CGAS: variants seen among roughly 807,000 people sequenced by gnomAD.
CGAS encodes the protein cyclic GMP-AMP synthase.
In CGAS, 31 loss-of-function variants were observed where a neutral mutation model predicts 34.0. That is an observed-to-expected ratio of 0.91 (90% CI 0.69 to 1.23). The LOEUF (loss-of-function observed/expected upper bound fraction) is 1.23, where lower values mean the gene tolerates loss of function less well. Ranked by LOEUF, CGAS falls within the 50% of genes most tolerant of loss-of-function variation. The probability of loss-of-function intolerance (pLI) is 0.00; values close to 1 mark genes in which losing one functional copy is unlikely to be tolerated. For missense variants in CGAS, 597 were observed against 657.6 expected (o/e 0.91, Z 1.01); for synonymous variants, 266 against 260.0 (o/e 1.02, Z -0.22).
intron 1 of CGAS, among the ~76,000 whole-genome samples, 182 bp downstream of exon 1, chr6:73,451,343 T>C (rs1030776431): frequency 1.3e-5 from 2 of 152,124 alleles, no homozygotes; most frequent in African/African-American, 4.8e-5. Context: ...TGTCTGATCG[T>C]TGGATGTGTA....
chr6:73,449,463 A>G (rs1308848410), intron 1 of CGAS, among the ~76,000 whole-genome samples: 2 of 132,598 alleles, frequency 1.5e-5, no homozygotes, highest in South Asian at 2.5e-4. Flanking sequence ...TGACAGAGTG[A>G]GACTCTGTCT....
intron 1 of CGAS, among the ~76,000 whole-genome samples, chr6:73,446,283 T>C (rs1287053275): frequency 7.1e-6 from 1 of 140,046 alleles, no homozygotes; most frequent in East Asian, 2.1e-4. Flanking sequence ...TGAGCCAAAA[T>C]AGTGTCACTG....
chr6:73,438,438 C>A (rs1248382898), intron 3 of CGAS, among the ~76,000 whole-genome samples: 1 of 152,284 alleles, frequency 6.6e-6, no homozygotes, highest in East Asian at 1.9e-4. Flanking sequence ...TGGCTCACGC[C>A]TGTAATCCCA....
intron 4 of CGAS, among the ~76,000 whole-genome samples, chr6:73,427,683 A>G (rs118034319): frequency 6.6e-6 from 1 of 152,260 alleles, no homozygotes; most frequent in East Asian, 1.9e-4. Context: ...TCACAAAAAA[A>G]AATGGTGGGG....
rs1770562541 is a variant in CGAS at position 73,451,412 on chromosome 6, A to C, written c.657+113T>G. 2.5e-6 allele frequency: 3 copies of C among 1,205,274 alleles called. No homozygotes were observed. In the East Asian group the frequency reaches 7.7e-5, roughly 31 times the overall value. 74.7% of individuals were successfully genotyped at this position (1,205,274 alleles called of 1,614,324 possible). On this transcript the variant is annotated intron_variant, in intron 1 of 4. Transcript: ENST00000370315. ...GACTAGGCTACCGAAAAACATGCAA[A>C]AGTCTAAGTTACTTCCGAAGGGAAG...
chr6:73,451,777 C>T lies in CGAS; in HGVS notation c.405G>A (p.Pro135=), dbSNP rs750894003. The T allele has an allele frequency of 6.3e-7, 1 of 1,594,356 alleles. No homozygotes were observed. Among genetic ancestry groups the T allele is most frequent in the South Asian group, 1.1e-5 (1 of 89,188 alleles). ...GGCTGGGCACGTCCCAGGGCCCGGG[C>T]GGAGGTCTTGGCTTCGTGGAGCAGC... The part of the protein sequence containing the change: ...GARCSTKPRP[P]PGPWDVPSPG... The change falls in exon 1 of 5, where the codon CCG becomes CCA. Residue 135 remains proline (P), a synonymous_variant. Transcript: ENST00000370315.
At chr6:73,431,352 T>C (rs886142561) in intron 3 of CGAS, among the ~76,000 whole-genome samples, 2 of 151,932 alleles carry the variant, frequency 1.3e-5, no homozygotes, top group African/African-American at 4.8e-5. Flanking sequence ...AAGCCTGTAA[T>C]CCCAGCTACT....
intron 3 of CGAS, among the ~76,000 whole-genome samples, chr6:73,432,022 G>A (rs1403551683): frequency 6.6e-6 from 1 of 152,068 alleles, no homozygotes. Context: ...TAGAGACGGG[G>A]TCTCTCCACC....
At chr6:73,426,589 G>A (rs1770093405) in intron 4 of CGAS, among the ~76,000 whole-genome samples, 2 of 150,698 alleles carry the variant, frequency 1.3e-5, no homozygotes, top group East Asian at 1.9e-4. Flanking sequence ...TACAATCTCG[G>A]CTCACTGCAA....
Position 73,452,143 on chromosome 6 carries a change from G to C in CGAS, c.39C>G (p.Ser13=). The change falls in exon 1 of 5, where the codon TCC becomes TCG. Residue 13 remains serine, a synonymous_variant. Coordinates refer to ENST00000370315, the MANE Select transcript of CGAS (RefSeq NM_138441.3). Reference sequence around the variant, plus strand: ...CCTTGGGGGCAGTGGCTCCGGCCTCGGAAGCTCTCTGCATGGCCTTTCCGT... The same window carrying C: ...CCTTGGGGGCAGTGGCTCCGGCCTCCGAAGCTCTCTGCATGGCCTTTCCGT... ...PWHGKAMQRA[S]EAGATAPKAS... is the part of the protein sequence containing the mutation. 6.2e-7 allele frequency: 1 copy of C among 1,608,182 alleles called. No individual in the cohort carries two copies. The highest frequency in any genetic ancestry group is 8.5e-7 in the Non-Finnish European group (1 of 1,178,046).
chr6:73,448,390 T>A (rs947050024), intron 1 of CGAS, among the ~76,000 whole-genome samples: 7 of 152,160 alleles, frequency 4.6e-5, no homozygotes, highest in African/African-American at 1.7e-4. Context: ...AGAGTGAAAC[T>A]CTGTCTCAAA....
In CGAS at chr6:73,452,031, A is replaced by T; in HGVS notation, c.151T>A (p.Phe51Ile). The stretch of plus-strand genomic sequence containing the variant: ...GATCCCGACTTCCTGGCGGGGCCGA[A>T]CTTTCCCGCCTTAGGCAGGGCGGCC... ...PEAALPKAGK[F>I]GPARKSGSRQ... The change falls in exon 1 of 5, where the codon TTC becomes ATC. Residue 51 changes from phenylalanine to isoleucine, a missense_variant. By Grantham distance (21) the Phe-to-Ile change is conservative (BLOSUM62 0). This residue lies in a region of CGAS where 321 missense variants were observed against 314.3 expected (regional missense o/e 1.02). Coordinates refer to ENST00000370315, the MANE Select transcript of CGAS (RefSeq NM_138441.3). 6.7e-7 allele frequency: 1 copy of T among 1,493,992 alleles called. No homozygotes were observed. Among genetic ancestry groups the T allele is most frequent in the Non-Finnish European group, 8.9e-7 (1 of 1,120,138 alleles). The allele number at this position is 1,493,992 out of a possible 1,614,324, so 92.5% of individuals were successfully genotyped here.
At chr6:73,438,462 C>A (rs1770312938) in intron 3 of CGAS, among the ~76,000 whole-genome samples, 1 of 152,150 alleles carries the variant, frequency 6.6e-6, no homozygotes, top group Admixed American at 6.6e-5. Flanking sequence ...CTTTGGGAGG[C>A]TGAGGCGGGT....
At chr6:73,434,217 C>A (rs563543852) in intron 3 of CGAS, among the ~76,000 whole-genome samples, 3 of 152,162 alleles carry the variant, frequency 2.0e-5, no homozygotes, top group East Asian at 1.9e-4. Context: ...TTCAACCAAT[C>A]GTGAATTGAA....
rs554823588 is a variant in CGAS, at chr6:73,423,918, T to C, written c.*1309A>G. 6.6e-6 allele frequency: 1 copy of C among 152,196 alleles called. No homozygotes were observed. Among genetic ancestry groups the C allele is most frequent in the African/African-American group, 2.4e-5 (1 of 41,530 alleles). The allele number at this position is 152,196 out of a possible 1,614,324, so 9.4% of individuals were successfully genotyped here. A position where few individuals can be genotyped will look rare whatever the true frequency, so the allele number is the denominator to read the frequency against. ...ATGAAAGATAAATACCCCAAATATA[T>C]TAAGAACTTCCCAAAACAATGAGAA... On this transcript the variant is annotated 3_prime_UTR_variant, in exon 5 of 5. Coordinates refer to ENST00000370315, the MANE Select transcript of CGAS (RefSeq NM_138441.3).
At position 73,440,376 on chromosome 6, in the gene CGAS, A is replaced by G. The variant is rs1398456420; in HGVS notation, c.947T>C (p.Ile316Thr). The change falls in exon 3 of 5, where the codon ATA becomes ACA. Residue 316 changes from isoleucine to threonine, a missense_variant. Ile to Thr is a moderately conservative substitution (Grantham distance 89, BLOSUM62 -1). This residue lies in a region of CGAS where 271 missense variants were observed against 324.1 expected (regional missense o/e 0.84). Coordinates refer to ENST00000370315, the MANE Select transcript of CGAS (RefSeq NM_138441.3). ...PAVTLLISEK[I>T]SVDITLALES... ...CAAAGCCAGGGTTATATCCACAGAT[A>G]TTTTTTCACTAATAAGAAGTGTTAC... 6.2e-7 allele frequency: 1 copy of G among 1,614,086 alleles called. No homozygotes were observed. Among genetic ancestry groups the G allele is most frequent in the Admixed American group, 1.7e-5 (1 of 59,982 alleles).
At chr6:73,438,584 T>C (rs1770315248) in intron 3 of CGAS, among the ~76,000 whole-genome samples, 1 of 150,746 alleles carries the variant, frequency 6.6e-6, no homozygotes, top group Admixed American at 6.7e-5. Context: ...TAGTCCCAGC[T>C]ACTCATGAGG....
chr6:73,446,313 G>C (rs971220804), intron 1 of CGAS, among the ~76,000 whole-genome samples: 12 of 124,872 alleles, frequency 9.6e-5, no homozygotes, highest in African/African-American at 3.7e-4. Flanking sequence ...CTGGGCAACA[G>C]AGCAAGACTC....
chr6:73,451,816 G>C lies in CGAS; in HGVS notation c.366C>G (p.Arg122=). 6.4e-7 allele frequency: 1 copy of C among 1,557,824 alleles called. No individual in the cohort carries two copies. Among genetic ancestry groups the C allele is most frequent in the Non-Finnish European group, 8.7e-7 (1 of 1,152,088 alleles). The change falls in exon 1 of 5, where the codon CGC becomes CGG. Residue 122 remains arginine, a synonymous_variant. Coordinates refer to ENST00000370315, the MANE Select transcript of CGAS (RefSeq NM_138441.3). ...EPALSRAGSC[R]QRGARCSTKP... is the part of the protein sequence containing the mutation. The stretch of plus-strand genomic sequence containing the variant: ...TCGTGGAGCAGCGCGCGCCCCTCTG[G>C]CGGCAAGAACCAGCCCTGGAAAGAG...
Sources: gnomAD v4.1 joint callset for allele counts (sites outside exome capture counted in the v4.1 genomes callset) on GRCh38, gnomAD v4.1.1 for gene constraint, gnomAD v4.1.1 regional missense constraint, MANE v1.5 for transcripts, NCBI Gene and HGNC (gene_info 2026-07-23, HGNC 2026-07-21) for gene names.